Variants in ASAP1 observed in about 807,000 individuals in gnomAD.
The protein encoded by ASAP1 is ArfGAP with SH3 domain, ankyrin repeat and PH domain 1.
In ASAP1, 43 loss-of-function variants were observed where a neutral mutation model predicts 145.2. That is an observed-to-expected ratio of 0.30 (90% CI 0.23 to 0.38). The LOEUF (loss-of-function observed/expected upper bound fraction) is 0.38. Among genes scored for constraint, ASAP1 ranks in the 10% least tolerant of loss-of-function variants. The pLI is 1.00. For synonymous variants in ASAP1, 546 were observed against 515.5 expected (o/e 1.06, Z -0.80); for missense variants, 1,018 against 1,355.3 (o/e 0.75, Z 3.91).
rs144683832 is a variant in ASAP1, at chr8:130,387,120, C to T, written c.59+14765G>A. ...GTTTCCATTTTAAACCGAAATCAAACCTGCTTTCATATGAATTGGGTATCC... is the reference window on the plus strand; with the variant it reads ...GTTTCCATTTTAAACCGAAATCAAATCTGCTTTCATATGAATTGGGTATCC... On this transcript the variant is annotated intron_variant, in intron 2 of 29. Transcript: ENST00000518721. Among the ~76,000 whole-genome samples the T allele has an allele frequency of 9.5e-4, 144 of 152,272 alleles. 1 individual carries two copies. The highest frequency in any genetic ancestry group is 3.4e-3 in the African/African-American group (141 of 41,550).
chr8:130,441,095 A>T (rs1830474092), intron 1 of ASAP1, among the ~76,000 whole-genome samples: 1 of 152,202 alleles, frequency 6.6e-6, no homozygotes, highest in Non-Finnish European at 1.5e-5. Context: ...GATGAATTAA[A>T]AGAGAAAGTG....
intron 29 of ASAP1, among the ~76,000 whole-genome samples, chr8:130,057,649 C>T (rs374540912): frequency 1.3e-5 from 2 of 152,168 alleles, no homozygotes; most frequent in East Asian, 1.9e-4. Flanking sequence ...GGGGTTTCAC[C>T]ATGCTGGCCA....
intron 13 of ASAP1, among the ~76,000 whole-genome samples, chr8:130,149,141 C>T: frequency 6.7e-6 from 1 of 150,154 alleles, no homozygotes; most frequent in Non-Finnish European, 1.5e-5. Context: ...AGGCATGAGC[C>T]ACCGCGCCTG....
chr8:130,197,342 T>C (rs2136289866), intron 5 of ASAP1, among the ~76,000 whole-genome samples: 1 of 152,312 alleles, frequency 6.6e-6, no homozygotes, highest in Non-Finnish European at 1.5e-5. Flanking sequence ...GGTGGGAGGA[T>C]TGCCTGAGCC....
chr8:130,079,818 G>C, intron 26 of ASAP1, 84 bp downstream of exon 26: 2 of 1,414,612 alleles, frequency 1.4e-6, no homozygotes, highest in Non-Finnish European at 2.0e-6. Flanking sequence ...GCAGCGCTGG[G>C]AAATTCATGA....
intron 3 of ASAP1, among the ~76,000 whole-genome samples, chr8:130,309,703 C>A (rs1304932972): frequency 6.6e-6 from 1 of 152,146 alleles, no homozygotes; most frequent in Non-Finnish European, 1.5e-5. Flanking sequence ...CCTGATATTT[C>A]ATTCATGGCT....
chr8:130,252,943 CA>C (rs1183129758), intron 3 of ASAP1, among the ~76,000 whole-genome samples: 1 of 152,128 alleles, frequency 6.6e-6, no homozygotes, highest in Non-Finnish European at 1.5e-5. Flanking sequence ...CTTCAAAAGA[CA>C]ACAGATTGGA....
chr8:130,413,036 A>G (rs1829331834), intron 1 of ASAP1, among the ~76,000 whole-genome samples: 1 of 152,248 alleles, frequency 6.6e-6, no homozygotes, highest in Non-Finnish European at 1.5e-5. Flanking sequence ...TTTAACCTTC[A>G]TAACAAACCT....
At chr8:130,361,242 A>T in intron 2 of ASAP1, 1 of 192,090 alleles carries the variant, frequency 5.2e-6, no homozygotes, top group Non-Finnish European at 1.1e-5. Flanking sequence ...CAATTCCAAG[A>T]GGCCCTGGGT....
At chr8:130,076,201 G>A (rs768052037) in intron 27 of ASAP1, 147 bp downstream of exon 27, 3 of 529,472 alleles carry the variant, frequency 5.7e-6, no homozygotes, top group East Asian at 3.1e-5. Context: ...GTCATTTAAT[G>A]TGTATTTACT....
intron 3 of ASAP1, among the ~76,000 whole-genome samples, chr8:130,255,665 A>C (rs1273198615): frequency 6.6e-6 from 1 of 152,184 alleles, no homozygotes; most frequent in Non-Finnish European, 1.5e-5. Flanking sequence ...AATAATTTTA[A>C]GTTGTGTGTG....
chr8:130,136,908 C>A (rs200654824), intron 14 of ASAP1, 43 bp downstream of exon 14: 1 of 1,534,024 alleles, frequency 6.5e-7, no homozygotes, highest in South Asian at 1.1e-5. Flanking sequence ...GTGCAGGTGT[C>A]AGAAGCCACA....
intron 3 of ASAP1, among the ~76,000 whole-genome samples, chr8:130,357,114 T>C (rs961377363): frequency 1.3e-5 from 2 of 152,218 alleles, no homozygotes; most frequent in South Asian, 2.1e-4. Flanking sequence ...CTGCTGCTCC[T>C]TGGCTTTCAG....
At position 130,256,757 on chromosome 8, in the gene ASAP1, A is replaced by ATATATATATATCCT. The variant is rs1554860211; in HGVS notation, c.187-19764_187-19763insAGGATATATATATA. The stretch of plus-strand genomic sequence containing the variant: ...CACATTCTTATATATATATATATAT[A>ATATATATATATCCT]TATATATATATATATATATATATAT... On this transcript the variant is annotated intron_variant, in intron 3 of 29. Coordinates refer to ENST00000518721, the MANE Select transcript of ASAP1 (RefSeq NM_018482.4). Among the ~76,000 whole-genome samples the ATATATATATATCCT allele has an allele frequency of 1.4e-4, 13 of 93,676 alleles. 1 individual carries two copies. The highest frequency in any genetic ancestry group is 2.0e-4 in the Admixed American group (2 of 10,012). The allele number at this position is 93,676 out of a possible 152,430, so 61.5% of individuals were successfully genotyped here. A position where few individuals can be genotyped will look rare whatever the true frequency, so the allele number is the denominator to read the frequency against.
At chr8:130,418,334 G>C (rs2138687200) in intron 1 of ASAP1, among the ~76,000 whole-genome samples, 1 of 152,268 alleles carries the variant, frequency 6.6e-6, no homozygotes, top group East Asian at 1.9e-4. Flanking sequence ...CGGATCATGA[G>C]GTCAGGAGTT....
chr8:130,140,864 C>A (rs981687657), intron 13 of ASAP1, among the ~76,000 whole-genome samples: 1 of 152,290 alleles, frequency 6.6e-6, no homozygotes, highest in African/African-American at 2.4e-5. Context: ...CAGGGCTGAG[C>A]CCACGAATAC....
At chr8:130,386,652 C>G (rs920494890) in intron 2 of ASAP1, 1 of 152,252 alleles carries the variant, frequency 6.6e-6, no homozygotes, top group Non-Finnish European at 1.5e-5. Context: ...TCTGCAGAAA[C>G]AGTTAGAAGC....
chr8:130,165,653 G>C (rs2097678462), intron 11 of ASAP1, among the ~76,000 whole-genome samples: 1 of 152,194 alleles, frequency 6.6e-6, no homozygotes, highest in African/African-American at 2.4e-5. Flanking sequence ...AACTGCCTTA[G>C]TGTACACAGA....
At chr8:130,264,530 C>T (rs550905384) in intron 3 of ASAP1, among the ~76,000 whole-genome samples, 3 of 152,326 alleles carry the variant, frequency 2.0e-5, no homozygotes, top group East Asian at 1.9e-4. Context: ...CTGTGGAAGC[C>T]TACTTTGTCT....
Sources: allele counts gnomAD v4.1 joint callset (sites outside exome capture counted in the v4.1 genomes callset), GRCh38; gene constraint gnomAD v4.1.1; transcripts MANE v1.5; gene names NCBI Gene and HGNC (gene_info 2026-07-23, HGNC 2026-07-21).